FERMT2: variants seen among roughly 807,000 people sequenced by gnomAD.
FERMT2 encodes FERM domain containing kindlin 2.
Under a neutral mutation model 82.7 loss-of-function variants are expected in FERMT2, and 15 were observed. That is an observed-to-expected ratio of 0.18 (90% CI 0.12 to 0.28). The LOEUF is 0.28. Ranked by LOEUF, FERMT2 falls within the 10% of genes least tolerant of loss-of-function variation. The pLI, the probability that FERMT2 is intolerant of heterozygous loss-of-function variation, is 1.00. For missense variants in FERMT2, 645 were observed against 809.4 expected, an observed-to-expected ratio of 0.80 and a Z score of 2.46; for synonymous variants, 274 against 271.5, an observed-to-expected ratio of 1.01 and a Z score of -0.09.
chr14:52,940,285 G>A (rs533178623), intron 2 of FERMT2, among the ~76,000 whole-genome samples: 2 of 152,184 alleles, frequency 1.3e-5, no homozygotes, highest in African/African-American at 4.8e-5. Flanking sequence ...AAATCAAAAC[G>A]TAAACCTCAA....
chr14:52,906,635 AACAC>A (rs1291480210), intron 3 of FERMT2, among the ~76,000 whole-genome samples: 1 of 152,192 alleles, frequency 6.6e-6, no homozygotes, highest in East Asian at 1.9e-4. Flanking sequence ...ACTAGAGGAA[AACAC>A]ACATAATAGA....
At chr14:52,860,142 AACAAAC>A in intron 13 of FERMT2, 193 bp downstream of exon 13, 2 of 539,004 alleles carry the variant, frequency 3.7e-6, no homozygotes, top group Non-Finnish European at 6.3e-6. Flanking sequence ...TTAGTAGTAA[AACAAAC>A]ACAATTATCT....
intron 4 of FERMT2, among the ~76,000 whole-genome samples, chr14:52,886,506 T>C (rs1246670100): frequency 1.3e-5 from 2 of 152,066 alleles, no homozygotes; most frequent in Non-Finnish European, 2.9e-5. Flanking sequence ...CTGGGATATA[T>C]GTGACAGAAA....
chr14:52,917,041 G>A (rs1366236075), intron 3 of FERMT2, among the ~76,000 whole-genome samples: 2 of 152,128 alleles, frequency 1.3e-5, no homozygotes, highest in Admixed American at 6.5e-5. Context: ...TTGTGGCAAC[G>A]GGTTTTCATA....
At chr14:52,871,046 T>C (rs1286676038) in intron 10 of FERMT2, among the ~76,000 whole-genome samples, 2 of 152,202 alleles carry the variant, frequency 1.3e-5, no homozygotes, top group Non-Finnish European at 2.9e-5. Context: ...AACTCAGAAC[T>C]GGCTTGCCAA....
intron 3 of FERMT2, among the ~76,000 whole-genome samples, chr14:52,907,210 G>A (rs888297079): frequency 2.6e-5 from 4 of 151,984 alleles, no homozygotes; most frequent in South Asian, 2.1e-4. Context: ...ATGGGGTTTC[G>A]CCATGTTGCA....
At chr14:52,892,456 G>GTTGT (rs1555369023) in intron 4 of FERMT2, among the ~76,000 whole-genome samples, 2 of 133,390 alleles carry the variant, frequency 1.5e-5, no homozygotes, top group Non-Finnish European at 3.1e-5. Flanking sequence ...GCTGTTTTTT[G>GTTGT]TTTTTTTTTT....
intron 6 of FERMT2, 120 bp from the exon 7 acceptor site, chr14:52,878,809 C>T (rs1474952485): frequency 1.8e-6 from 1 of 544,578 alleles, no homozygotes; most frequent in African/African-American, 1.9e-5. Flanking sequence ...TCTTAATTTA[C>T]AAGCAAGAAT....
intron 10 of FERMT2, among the ~76,000 whole-genome samples, chr14:52,866,272 C>T (rs1885273218): frequency 6.6e-6 from 1 of 152,182 alleles, no homozygotes. Context: ...ACTGGACTTC[C>T]TCAGTTACCC....
intron 4 of FERMT2, chr14:52,881,795 C>G: frequency 7.6e-7 from 1 of 1,307,520 alleles, no homozygotes; most frequent in South Asian, 1.2e-5. Flanking sequence ...GCAAGGCTCA[C>G]CTTTCAGAGG....
intron 2 of FERMT2, among the ~76,000 whole-genome samples, chr14:52,924,693 CTT>C (rs965897612): frequency 1.3e-5 from 2 of 152,074 alleles, no homozygotes; most frequent in Non-Finnish European, 2.9e-5. Flanking sequence ...ATACAGAAAA[CTT>C]TTCCTGGATA....
At position 52,893,431 on chromosome 14, in the gene FERMT2, TTAA is replaced by T; in HGVS notation, c.392-7_392-5del. 6.3e-7 allele frequency: 1 copy of T among 1,578,400 alleles called. No individual in the cohort carries two copies. The highest frequency in any genetic ancestry group is 1.2e-5 in the South Asian group (1 of 84,872). On this transcript the variant is annotated splice_polypyrimidine_tract_variant and splice_region_variant and intron_variant, in intron 3 of 14. Transcript: ENST00000341590. ...AGTTCTTCGGGGTGTCTGATATCTG[TTAA>T]TAAAATAGATTGTTTTACTAGAACA...
At chr14:52,917,334 C>A (rs1473737457) in intron 3 of FERMT2, among the ~76,000 whole-genome samples, 6 of 151,806 alleles carry the variant, frequency 4.0e-5, no homozygotes. Flanking sequence ...TGGATACACA[C>A]TGAACTTATG....
At chr14:52,938,703 A>G (rs986450266) in intron 2 of FERMT2, among the ~76,000 whole-genome samples, 2 of 152,140 alleles carry the variant, frequency 1.3e-5, no homozygotes, top group African/African-American at 2.4e-5. Context: ...AGTAACTGAG[A>G]CCATAGGCAT....
In FERMT2 at chr14:52,893,415, G is replaced by A; in HGVS notation, c.404C>T (p.Pro135Leu). 6.2e-7 allele frequency: 1 copy of A among 1,600,660 alleles called. No individual in the cohort carries two copies. The highest frequency in any genetic ancestry group is 8.5e-7 in the Non-Finnish European group (1 of 1,174,906). The change falls in exon 4 of 15, where the codon CCC (proline) becomes CTC (leucine). Residue 135 changes from proline to leucine, a missense_variant. By Grantham distance (98) the Pro-to-Leu change is moderately conservative. Coordinates refer to ENST00000341590, the MANE Select transcript of FERMT2 (RefSeq NM_006832.3). The part of the protein sequence containing the change: ...DICKTFNIRH[P>L]EELSLLKKPR... ...TTTCTTTAAGAGAGAAAGTTCTTCG[G>A]GGTGTCTGATATCTGTTAATAAAAT...
chr14:52,886,948 TG>T (rs1886648262), intron 4 of FERMT2, among the ~76,000 whole-genome samples: 1 of 152,206 alleles, frequency 6.6e-6, no homozygotes. Flanking sequence ...AAAAAATATA[TG>T]AGGTCCATCA....
rs1448463286 is a variant in FERMT2 at position 52,901,295 on chromosome 14, A to AAG, written c.392-7869_392-7868insCT. ...GACTCTGTCTCAAAAAAAAAAAAAA[A>AAG]AAAAAGCCCCAGCATTAAACATAGG... On this transcript the variant is annotated intron_variant, in intron 3 of 14. Transcript: ENST00000341590. Among the ~76,000 whole-genome samples, 5 of 149,780 alleles carry AAG rather than the reference A, an allele frequency of 3.3e-5. No homozygotes were observed. In the East Asian group the frequency reaches 9.8e-4, roughly 29 times the overall value.
At chr14:52,922,500 G>A (rs538708741) in intron 2 of FERMT2, among the ~76,000 whole-genome samples, 123 of 151,850 alleles carry the variant, frequency 8.1e-4, no homozygotes, top group African/African-American at 2.9e-3. Context: ...AAAAACAGCT[G>A]TTTTATTGTA....
In FERMT2 at chr14:52,858,026, A is replaced by T; in HGVS notation, c.*351T>A. Reference sequence around the variant, plus strand: ...CACATGCATTAGACATGATAAATAGAGTTCATATAGGTTAAGCCCTGGATA... The same window carrying T: ...CACATGCATTAGACATGATAAATAGTGTTCATATAGGTTAAGCCCTGGATA... On this transcript the variant is annotated 3_prime_UTR_variant, in exon 15 of 15. Coordinates refer to ENST00000341590, the MANE Select transcript of FERMT2 (RefSeq NM_006832.3). 1 of 196,358 alleles carries T rather than the reference A, an allele frequency of 5.1e-6. No individual in the cohort carries two copies. The highest frequency in any genetic ancestry group is 1.3e-4 in the South Asian group (1 of 7,578). 12.2% of individuals were successfully genotyped at this position (196,358 alleles called of 1,614,324 possible). A position where few individuals can be genotyped will look rare whatever the true frequency, so the allele number is the denominator to read the frequency against.
Sources: allele counts gnomAD v4.1 joint callset (sites outside exome capture counted in the v4.1 genomes callset), GRCh38; gene constraint gnomAD v4.1.1; transcripts MANE v1.5; gene names NCBI Gene and HGNC (gene_info 2026-07-23, HGNC 2026-07-21).